The following EPDR1 variants were observed in gnomAD, a reference collection of about 807,000 sequenced individuals.
EPDR1 encodes mammalian ependymin-related protein 1.
Under a neutral mutation model 23.7 loss-of-function variants are expected in EPDR1, and 27 were observed. The observed-to-expected ratio is 1.14, with a 90% CI of 0.84 to 1.57. The LOEUF (loss-of-function observed/expected upper bound fraction) is 1.57, where lower values mean the gene tolerates loss of function less well. Ranked by LOEUF, EPDR1 falls within the 40% of genes most tolerant of loss-of-function variation. The pLI is 0.00. For missense variants in EPDR1, 349 were observed against 290.4 expected, an observed-to-expected ratio of 1.20 and a Z score of -1.47; for synonymous variants, 137 against 118.2, an observed-to-expected ratio of 1.16 and a Z score of -1.03.
At chr7:37,930,439 G>C (rs747658778) in intron 1 of EPDR1, among the ~76,000 whole-genome samples, 1 of 152,242 alleles carries the variant, frequency 6.6e-6, no homozygotes, top group African/African-American at 2.4e-5. Context: ...GATGGGGGAA[G>C]AGAATCTGCC....
At chr7:37,922,072 C>T (rs1188239226) in intron 1 of EPDR1, among the ~76,000 whole-genome samples, 1 of 152,148 alleles carries the variant, frequency 6.6e-6, no homozygotes, top group Non-Finnish European at 1.5e-5. Flanking sequence ...GGATCACCAC[C>T]TGTCTCCCTT....
intron 1 of EPDR1, among the ~76,000 whole-genome samples, chr7:37,943,669 TA>T (rs1420563347): frequency 2.6e-5 from 4 of 152,266 alleles, no homozygotes; most frequent in African/African-American, 9.6e-5. Context: ...ACAGTCAACA[TA>T]ACCTCAATAT....
chr7:37,931,396 C>T (rs913137900), intron 1 of EPDR1, among the ~76,000 whole-genome samples: 4 of 152,052 alleles, frequency 2.6e-5, no homozygotes, highest in Admixed American at 1.3e-4. Context: ...CGCCTGTAAT[C>T]CCAGCTACCC....
At chr7:37,949,877 C>T (rs1786360149) in intron 2 of EPDR1, among the ~76,000 whole-genome samples, 1 of 152,172 alleles carries the variant, frequency 6.6e-6, no homozygotes, top group Non-Finnish European at 1.5e-5. Flanking sequence ...ATGACAAATA[C>T]AGTACAATCC....
In EPDR1 at chr7:37,921,021, T is replaced by G. The variant is rs771865466; in HGVS notation, c.82T>G (p.Cys28Gly). ...LLGGLWAWTL[C>G]GLCSLGAVGA... ...GGGCGGCCTCTGGGCCTGGACCCTG[T>G]GCGGCCTGTGCAGCCTGGGGGCGGT... The change falls in exon 1 of 3, where the codon TGC becomes GGC. Residue 28 changes from cysteine (C) to glycine (G), a missense_variant. Coordinates refer to ENST00000199448, the MANE Select transcript of EPDR1 (RefSeq NM_017549.5). 6.6e-7 allele frequency: 1 copy of G among 1,523,018 alleles called. No individual in the cohort carries two copies. The highest frequency in any genetic ancestry group is 2.4e-5 in the East Asian group (1 of 41,468). The allele number at this position is 1,523,018 out of a possible 1,614,324, so 94.3% of individuals were successfully genotyped here.
chr7:37,937,988 T>A (rs1786090685), intron 1 of EPDR1, among the ~76,000 whole-genome samples: 1 of 88,650 alleles, frequency 1.1e-5, no homozygotes, highest in Non-Finnish European at 2.6e-5. Context: ...CCTTTAAATT[T>A]TTTTTTTTTT....
Position 37,923,499 on chromosome 7 carries a change from T to C in EPDR1, c.269+2291T>C, listed in dbSNP as rs189477058. Among the ~76,000 whole-genome samples, 3 of 152,282 alleles carry C rather than the reference T, an allele frequency of 2.0e-5. No homozygotes were observed. The East Asian group carries it at 5.8e-4, about 29-fold the overall frequency. ...TGCAACAGGGCTTGACTTTGTGCAC[T>C]TCTAATTAAGGGTGCATTGGTATCC... On this transcript the variant is annotated intron_variant, in intron 1 of 2. Transcript: ENST00000199448.
rs950717184 is a variant in EPDR1, at chr7:37,938,133, G to A, written c.270-10707G>A. Among the ~76,000 whole-genome samples the A allele has an allele frequency of 2.6e-5, 4 of 151,616 alleles. No individual in the cohort carries two copies. The East Asian group carries it at 5.8e-4, about 22-fold the overall frequency. ...AGCCTCCCAAGTAGCTGGGACTACA[G>A]GTGTCAGCCACCATGCCTGGCTAAT... On this transcript the variant is annotated intron_variant, in intron 1 of 2. Coordinates refer to ENST00000199448, the MANE Select transcript of EPDR1 (RefSeq NM_017549.5).
At chr7:37,944,757 CA>C (rs767196454) in intron 1 of EPDR1, among the ~76,000 whole-genome samples, 2 of 152,190 alleles carry the variant, frequency 1.3e-5, no homozygotes, top group Non-Finnish European at 2.9e-5. Flanking sequence ...AGCTACAATT[CA>C]AGATGAGATT....
At position 37,948,944 on chromosome 7, in the gene EPDR1, T is replaced by C; in HGVS notation, c.374T>C (p.Leu125Pro). 1.9e-6 allele frequency: 3 copies of C among 1,614,132 alleles called. No homozygotes were observed. The highest frequency in any genetic ancestry group is 2.5e-6 in the Non-Finnish European group (3 of 1,180,022). The change falls in exon 2 of 3, where the codon CTT (leucine) becomes CCT (proline). Residue 125 changes from leucine to proline, a missense_variant. Physicochemically the swap from Leu to Pro is moderately conservative, Grantham distance 98. Transcript: ENST00000199448. ...ACCCTGACACAGCCCTGGGATCCTC[T>C]TGACATTCCTCAAAACTCCACCTTT... is the stretch of plus-strand genomic sequence containing the variant. ...KMTLTQPWDP[L>P]DIPQNSTFED...
chr7:37,930,028 G>A (rs190544519), intron 1 of EPDR1, among the ~76,000 whole-genome samples: 2 of 152,298 alleles, frequency 1.3e-5, no homozygotes, highest in African/African-American at 2.4e-5. Context: ...TCCCCCCAAA[G>A]AAAGGAGAAA....
intron 1 of EPDR1, among the ~76,000 whole-genome samples, chr7:37,943,257 G>A (rs563633013): frequency 7.9e-5 from 12 of 152,232 alleles, no homozygotes; most frequent in Non-Finnish European, 1.6e-4. Context: ...GGGGGCGTTG[G>A]TGCCTCTCAT....
At position 37,935,305 on chromosome 7, in the gene EPDR1, C is replaced by G. The variant is rs147027109; in HGVS notation, c.270-13535C>G. On this transcript the variant is annotated intron_variant, in intron 1 of 2. Transcript: ENST00000199448. ...CACTCAGATGTTCTGTCCTTCATCT[C>G]TCTATCCCACCTGGATGAATTAGCC... Among the ~76,000 whole-genome samples, 4 of 152,310 alleles carry G rather than the reference C, an allele frequency of 2.6e-5. No individual in the cohort carries two copies. The East Asian group carries it at 7.7e-4, about 29-fold the overall frequency.
At chr7:37,935,062 T>C (rs780293500) in intron 1 of EPDR1, among the ~76,000 whole-genome samples, 6 of 152,226 alleles carry the variant, frequency 3.9e-5, no homozygotes, top group Admixed American at 6.5e-5. Context: ...AAATAATTTA[T>C]AGTATACAGG....
At position 37,920,648 on chromosome 7, in the gene EPDR1, C is replaced by A. The variant is rs892202897; in HGVS notation, c.-292C>A. The A allele has an allele frequency of 9.6e-6, 15 of 1,569,640 alleles. No homozygotes were observed. Among genetic ancestry groups the A allele is most frequent in the Non-Finnish European group, 1.1e-5 (13 of 1,151,694 alleles). On this transcript the variant is annotated 5_prime_UTR_variant, in exon 1 of 3. Transcript: ENST00000199448. ...TGTTGGCAGCAGTGAGCAGTGAAAACCGAAGCGGCAGAAGGCAGTGGCAGC... is the reference window on the plus strand; with the variant it reads ...TGTTGGCAGCAGTGAGCAGTGAAAAACGAAGCGGCAGAAGGCAGTGGCAGC...
At chr7:37,945,404 A>G (rs1412235364) in intron 1 of EPDR1, among the ~76,000 whole-genome samples, 1 of 152,220 alleles carries the variant, frequency 6.6e-6, no homozygotes, top group Non-Finnish European at 1.5e-5. Flanking sequence ...CTTTTCTGAA[A>G]TAAACAAGAT....
intron 1 of EPDR1, among the ~76,000 whole-genome samples, chr7:37,943,404 T>C (rs1200548653): frequency 6.6e-6 from 1 of 152,214 alleles, no homozygotes; most frequent in Non-Finnish European, 1.5e-5. Context: ...ATCTCAACCG[T>C]GGCTGATCTT....
In EPDR1 at chr7:37,949,054, G is replaced by A; in HGVS notation, c.478+6G>A. ...CAGAAAGTCAGCTAGATCCTGTAAG[G>A]GTTCAAAGAATCTAAGCATTGTATT... On this transcript the variant is annotated splice_donor_region_variant and intron_variant, in intron 2 of 2. Transcript: ENST00000199448. 6.2e-7 allele frequency: 1 copy of A among 1,613,532 alleles called. No individual in the cohort carries two copies. The highest frequency in any genetic ancestry group is 8.5e-7 in the Non-Finnish European group (1 of 1,179,494).
At chr7:37,941,738 C>T (rs1330091420) in intron 1 of EPDR1, among the ~76,000 whole-genome samples, 3 of 152,162 alleles carry the variant, frequency 2.0e-5, no homozygotes, top group Non-Finnish European at 4.4e-5. Context: ...AATGCTTGAA[C>T]TTTAATTGAA....
Sources: allele counts gnomAD v4.1 joint callset (sites outside exome capture counted in the v4.1 genomes callset), GRCh38; gene constraint gnomAD v4.1.1; transcripts MANE v1.5; gene names NCBI Gene and HGNC (gene_info 2026-07-23, HGNC 2026-07-21).